AP2B1: variants seen among roughly 807,000 people sequenced by gnomAD.
The protein encoded by AP2B1 is adaptor related protein complex 2 subunit beta 1.
Under a neutral mutation model 102.0 loss-of-function variants are expected in AP2B1, and 23 were observed. That is an observed-to-expected ratio of 0.23 (90% CI 0.16 to 0.32). The LOEUF (loss-of-function observed/expected upper bound fraction) is 0.32. AP2B1 is among the 10% of genes least tolerant of loss of function. The pLI is 1.00. For synonymous variants in AP2B1, 381 were observed against 421.2 expected (o/e 0.90, Z 1.17); for missense variants, 541 against 1,157.4 (o/e 0.47, Z 7.73).
intron 3 of AP2B1, among the ~76,000 whole-genome samples, chr17:35,604,519 A>G (rs372201724): frequency 3.0e-4 from 45 of 151,750 alleles, no homozygotes; most frequent in African/African-American, 1.1e-3. Flanking sequence ...GAACTTTGGG[A>G]GGCCAAGGCA....
At chr17:35,695,172 A>G (rs997482846) in intron 18 of AP2B1, among the ~76,000 whole-genome samples, 3 of 152,262 alleles carry the variant, frequency 2.0e-5, no homozygotes, top group African/African-American at 2.4e-5. Context: ...GAGTAATTCT[A>G]TTGTAGGCTG....
chr17:35,718,791 T>A (rs1004217588), intron 21 of AP2B1, among the ~76,000 whole-genome samples: 2 of 151,926 alleles, frequency 1.3e-5, no homozygotes, highest in Admixed American at 6.6e-5. Flanking sequence ...CTTTTTTTCT[T>A]TTTGCTTACT....
At chr17:35,614,409 C>T (rs1161342904) in intron 5 of AP2B1, among the ~76,000 whole-genome samples, 4 of 151,992 alleles carry the variant, frequency 2.6e-5, no homozygotes, top group African/African-American at 9.7e-5. Flanking sequence ...AGGTTGGTCT[C>T]AATCTCCTAG....
At position 35,657,698 on chromosome 17, in the gene AP2B1, A is replaced by G; in HGVS notation, c.1896A>G (p.Leu632=). The G allele has an allele frequency of 6.2e-7, 1 of 1,614,172 alleles. No homozygotes were observed. The highest frequency in any genetic ancestry group is 8.5e-7 in the Non-Finnish European group (1 of 1,180,026). ...AAGGTGATCTTCTAGGGGATCTTTT[A>G]AACCTTGACCTCGGTCCCCCAGTCA... The part of the protein sequence containing the change: ...PSQGDLLGDL[L]NLDLGPPVNV... The change falls in exon 14 of 22, where the codon TTA becomes TTG. Residue 632 remains leucine (L), a synonymous_variant. Coordinates refer to ENST00000610402, the MANE Select transcript of AP2B1 (RefSeq NM_001030006.2).
chr17:35,673,744 T>G (rs540919418), intron 16 of AP2B1, among the ~76,000 whole-genome samples: 6 of 152,220 alleles, frequency 3.9e-5, no homozygotes, highest in Non-Finnish European at 8.8e-5. Flanking sequence ...CTTCAAAGAT[T>G]ACAGCCATGC....
intron 18 of AP2B1, among the ~76,000 whole-genome samples, chr17:35,698,843 C>G (rs372851705): frequency 2.6e-5 from 4 of 152,274 alleles, no homozygotes; most frequent in African/African-American, 9.6e-5. Flanking sequence ...CTTTGGACTC[C>G]CATTTGACAG....
intron 4 of AP2B1, among the ~76,000 whole-genome samples, chr17:35,606,366 A>G (rs982559557): frequency 1.4e-4 from 22 of 151,886 alleles, no homozygotes; most frequent in African/African-American, 4.8e-4. Flanking sequence ...CAGTCTCCCA[A>G]GTAGCTGGGA....
At chr17:35,696,033 G>A (rs1368325488) in intron 18 of AP2B1, among the ~76,000 whole-genome samples, 1 of 152,084 alleles carries the variant, frequency 6.6e-6, no homozygotes, top group Non-Finnish European at 1.5e-5. Flanking sequence ...TGCATTAACA[G>A]TTTCTAAGCA....
rs200462301 is a variant in AP2B1, at chr17:35,629,121, G to A, written c.1155+1395G>A. On this transcript the variant is annotated intron_variant, in intron 9 of 21. Coordinates refer to ENST00000610402, the MANE Select transcript of AP2B1 (RefSeq NM_001030006.2). Reference sequence around the variant, plus strand: ...ACGCTACCACACCTAGCTAATTTTTGTATTTTTAGTAGAGACGAGGTTCGC... The same window carrying A: ...ACGCTACCACACCTAGCTAATTTTTATATTTTTAGTAGAGACGAGGTTCGC... Among the ~76,000 whole-genome samples the A allele has an allele frequency of 1.6e-4, 25 of 152,082 alleles. 1 individual carries two copies. In the East Asian group the frequency reaches 2.9e-3, roughly 18 times the overall value.
intron 2 of AP2B1, 81 bp downstream of exon 2, chr17:35,594,148 C>A: frequency 4.7e-6 from 4 of 853,856 alleles, no homozygotes; most frequent in Non-Finnish European, 7.3e-6. Context: ...ATGCTGCTGA[C>A]CTCTTCCTTC....
intron 21 of AP2B1, among the ~76,000 whole-genome samples, chr17:35,717,922 A>G (rs1420896335): frequency 2.0e-5 from 3 of 152,234 alleles, no homozygotes; most frequent in Non-Finnish European, 2.9e-5. Flanking sequence ...ACTTCTGGCA[A>G]TAATAAGGCA....
In AP2B1 at chr17:35,643,103, C is replaced by T. The variant is rs192061898; in HGVS notation, c.1536+1128C>T. ...TCAGGAGTGTCCAGTCTTTTGGCTT[C>T]CCTGGGCCACATTGGGAGGAGAATT... On this transcript the variant is annotated intron_variant, in intron 12 of 21. Coordinates refer to ENST00000610402, the MANE Select transcript of AP2B1 (RefSeq NM_001030006.2). 9.7e-4 allele frequency among the ~76,000 whole-genome samples: 144 copies of T among 148,754 alleles called. No homozygotes were observed. In the East Asian group the frequency reaches 0.026, roughly 27 times the overall value.
chr17:35,676,075 G>A (rs966950607), intron 17 of AP2B1, among the ~76,000 whole-genome samples: 1 of 151,968 alleles, frequency 6.6e-6, no homozygotes, highest in Non-Finnish European at 1.5e-5. Flanking sequence ...AAATTTATCT[G>A]TAGAAGAAAT....
chr17:35,641,782 G>A, intron 11 of AP2B1, 95 bp from the exon 12 acceptor site: 1 of 838,222 alleles, frequency 1.2e-6, no homozygotes, highest in Non-Finnish European at 1.8e-6. Flanking sequence ...AGGCTCCATA[G>A]TAATTCATAG....
At chr17:35,670,180 A>G (rs757779997) in intron 14 of AP2B1, among the ~76,000 whole-genome samples, 1 of 152,226 alleles carries the variant, frequency 6.6e-6, no homozygotes, top group African/African-American at 2.4e-5. Flanking sequence ...ATAAATCCAC[A>G]TTTCTCCTTA....
chr17:35,685,411 A>G (rs1025384278), intron 18 of AP2B1, among the ~76,000 whole-genome samples: 1 of 152,194 alleles, frequency 6.6e-6, no homozygotes, highest in South Asian at 2.1e-4. Context: ...GTTAAACTAT[A>G]TATACATCCA....
At chr17:35,601,511 C>T (rs1470978706) in intron 3 of AP2B1, among the ~76,000 whole-genome samples, 1 of 152,130 alleles carries the variant, frequency 6.6e-6, no homozygotes, top group Non-Finnish European at 1.5e-5. Context: ...CCAAGTGATC[C>T]GCCTGCCTTG....
At chr17:35,660,462 CCTTTTT>C (rs1478270422) in intron 14 of AP2B1, among the ~76,000 whole-genome samples, 1 of 151,358 alleles carries the variant, frequency 6.6e-6, no homozygotes, top group African/African-American at 2.4e-5. Context: ...TGCTCAGATA[CCTTTTT>C]CTTTTTCTCT....
intron 18 of AP2B1, among the ~76,000 whole-genome samples, chr17:35,686,813 A>C (rs139565298): frequency 0.024 from 3,664 of 152,184 alleles, 135 homozygotes; most frequent in East Asian, 0.19. Context: ...AAATGCAAAA[A>C]AAATTAGTCA....
Sources: gnomAD v4.1 joint callset for allele counts (sites outside exome capture counted in the v4.1 genomes callset) on GRCh38, gnomAD v4.1.1 for gene constraint, MANE v1.5 for transcripts, NCBI Gene and HGNC (gene_info 2026-07-23, HGNC 2026-07-21) for gene names.